The following TNIP3 variants were observed in gnomAD, a reference collection of about 807,000 sequenced individuals.
TNIP3 encodes TNFAIP3 interacting protein 3.
A neutral mutation model predicts 54.1 loss-of-function variants in TNIP3; 34 were observed. The observed-to-expected ratio is 0.63, with a 90% CI of 0.48 to 0.84. The LOEUF (loss-of-function observed/expected upper bound fraction) is 0.84. Among genes scored for constraint, TNIP3 ranks in the 40% least tolerant of loss-of-function variants. The pLI, the probability that TNIP3 is intolerant of heterozygous loss-of-function variation, is 0.00. For synonymous variants in TNIP3, 134 were observed against 136.8 expected, an observed-to-expected ratio of 0.98 and a Z score of 0.14; for missense variants, 366 against 387.6, an observed-to-expected ratio of 0.94 and a Z score of 0.47.
At chr4:121,141,942 T>C in intron 8 of TNIP3, 28 bp from the exon 9 acceptor site, 1 of 1,513,212 alleles carries the variant, frequency 6.6e-7, no homozygotes. Flanking sequence ...GTGGGGTCAC[T>C]ACCAGTGGGA....
chr4:121,143,357 AAGAC>A (rs1224588081), intron 7 of TNIP3, among the ~76,000 whole-genome samples: 1 of 152,164 alleles, frequency 6.6e-6, no homozygotes, highest in East Asian at 1.9e-4. Flanking sequence ...CCCTTAACTT[AAGAC>A]ACATTTAGAG....
intron 2 of TNIP3, among the ~76,000 whole-genome samples, chr4:121,198,288 C>T (rs567531812): frequency 6.6e-6 from 1 of 152,174 alleles, no homozygotes; most frequent in East Asian, 1.9e-4. Context: ...AAAAGTAGCA[C>T]ATGACCTTCA....
At chr4:121,171,200 T>C (rs1323945476) in intron 3 of TNIP3, among the ~76,000 whole-genome samples, 1 of 152,242 alleles carries the variant, frequency 6.6e-6, no homozygotes, top group Non-Finnish European at 1.5e-5. Context: ...CATTTCAAAA[T>C]AGACTCTCCA....
intron 4 of TNIP3, 117 bp downstream of exon 4, chr4:121,156,977 G>T (rs1013518240): frequency 6.7e-6 from 9 of 1,347,466 alleles, no homozygotes; most frequent in Non-Finnish European, 9.3e-6. Context: ...CTTGCACATC[G>T]GTCGTTGCTC....
intron 7 of TNIP3, 75 bp downstream of exon 7, chr4:121,146,974 C>T: frequency 6.6e-7 from 1 of 1,507,204 alleles, no homozygotes; most frequent in Non-Finnish European, 8.9e-7. Flanking sequence ...AACAGAAGTC[C>T]AAACGTCTTG....
chr4:121,216,509 A>C, intron 1 of TNIP3: 1 of 1,535,680 alleles, frequency 6.5e-7, no homozygotes, highest in Non-Finnish European at 8.7e-7. Context: ...ATCTAAAATA[A>C]AAAAATATGA....
chr4:121,198,026 T>C (rs1725694127), intron 2 of TNIP3, among the ~76,000 whole-genome samples: 1 of 152,202 alleles, frequency 6.6e-6, no homozygotes, highest in South Asian at 2.1e-4. Flanking sequence ...AAAATGTTCA[T>C]CATGTTTTTA....
rs189881042 is a variant in TNIP3 at position 121,155,472 on chromosome 4, T to A, written c.364-793A>T. ...GGCCAATAAGACCTTTCATTACAGATCATTATTTAGAGCACTCTATTGTTG... is the reference window on the plus strand; with the variant it reads ...GGCCAATAAGACCTTTCATTACAGAACATTATTTAGAGCACTCTATTGTTG... On this transcript the variant is annotated intron_variant, in intron 4 of 10. Coordinates refer to ENST00000057513, the MANE Select transcript of TNIP3 (RefSeq NM_024873.6). Among the ~76,000 whole-genome samples the A allele has an allele frequency of 1.7e-3, 258 of 152,242 alleles. 1 individual carries two copies. The highest frequency in any genetic ancestry group is 5.9e-3 in the African/African-American group (243 of 41,532).
chr4:121,210,475 A>G (rs1451735964), intron 2 of TNIP3, among the ~76,000 whole-genome samples: 1 of 152,230 alleles, frequency 6.6e-6, no homozygotes, highest in Non-Finnish European at 1.5e-5. Flanking sequence ...TAGATCAACA[A>G]GAAAAGCAAA....
intron 2 of TNIP3, among the ~76,000 whole-genome samples, chr4:121,160,635 C>A (rs1730393322): frequency 6.6e-6 from 1 of 152,142 alleles, no homozygotes; most frequent in African/African-American, 2.4e-5. Flanking sequence ...TTCCCAGGAA[C>A]ATTTTAGAAA....
At position 121,214,211 on chromosome 4, in the gene TNIP3, C is replaced by T. The variant is rs945590228; in HGVS notation, c.68+2204G>A. The stretch of plus-strand genomic sequence containing the variant: ...CAGACAAAGACATGGACCGCGGCCC[C>T]TGCCTCACTGCCTCATCCCTCATCC... On this transcript the variant is annotated intron_variant, in intron 2 of 12. Transcript: ENST00000507879. Among the ~76,000 whole-genome samples, 4 of 152,284 alleles carry T rather than the reference C, an allele frequency of 2.6e-5. No individual in the cohort carries two copies. The South Asian group carries it at 6.2e-4, about 24-fold the overall frequency.
chr4:121,169,251 C>T (rs1215378511), upstream of TNIP3, among the ~76,000 whole-genome samples: 1 of 152,190 alleles, frequency 6.6e-6, no homozygotes, highest in Non-Finnish European at 1.5e-5. Context: ...GCGCCATGCC[C>T]TGGCCACACC....
At chr4:121,167,182 C>A (rs911023535), upstream of TNIP3, among the ~76,000 whole-genome samples, 11 of 150,844 alleles carry the variant, frequency 7.3e-5, no homozygotes, top group Admixed American at 7.2e-4. Context: ...TGTGTGGGTT[C>A]CAAAGGAAAA....
At chr4:121,180,432 A>C (rs1724623833) in intron 3 of TNIP3, among the ~76,000 whole-genome samples, 1 of 152,186 alleles carries the variant, frequency 6.6e-6, no homozygotes. Context: ...CAGAGGAGTA[A>C]GATATTTTAA....
upstream of TNIP3, among the ~76,000 whole-genome samples, chr4:121,221,259 A>G (rs931186285): frequency 6.6e-6 from 1 of 152,166 alleles, no homozygotes; most frequent in African/African-American, 2.4e-5. Context: ...AATCACTCTT[A>G]ATATATAAAA....
At position 121,132,673 on chromosome 4, in the gene TNIP3, C is replaced by T; in HGVS notation, c.947-11G>A. On this transcript the variant is annotated splice_polypyrimidine_tract_variant and intron_variant, in intron 10 of 10. Coordinates refer to ENST00000057513, the MANE Select transcript of TNIP3 (RefSeq NM_024873.6). ...TTACTGAGGATAAACCTATGGAAAA[C>T]AGTAGGAAAATGTTTTAGATTAAAA... The T allele has an allele frequency of 6.2e-7, 1 of 1,606,390 alleles. No homozygotes were observed. Among genetic ancestry groups the T allele is most frequent in the Admixed American group, 1.7e-5 (1 of 59,846 alleles).
At chr4:121,207,003 GCAAA>G (rs1179152816) in intron 2 of TNIP3, among the ~76,000 whole-genome samples, 1 of 152,052 alleles carries the variant, frequency 6.6e-6, no homozygotes, top group Non-Finnish European at 1.5e-5. Flanking sequence ...ACTCCAAAGG[GCAAA>G]CAGCTAAGGC....
intron 3 of TNIP3, among the ~76,000 whole-genome samples, chr4:121,182,194 C>G (rs886092778): frequency 6.6e-6 from 1 of 152,106 alleles, no homozygotes; most frequent in Non-Finnish European, 1.5e-5. Flanking sequence ...TTATATAAAG[C>G]ACCATAGACA....
chr4:121,188,845 C>T (rs111385303), intron 2 of TNIP3, among the ~76,000 whole-genome samples: 1 of 152,026 alleles, frequency 6.6e-6, no homozygotes, highest in Admixed American at 6.6e-5. Context: ...GTTTGCATGA[C>T]CATCATGTTT....
Sources: allele counts gnomAD v4.1 joint callset (sites outside exome capture counted in the v4.1 genomes callset), GRCh38; gene constraint gnomAD v4.1.1; transcripts MANE v1.5; gene names NCBI Gene and HGNC (gene_info 2026-07-23, HGNC 2026-07-21).